The following CUX1 variants were observed in gnomAD, a reference collection of about 807,000 sequenced individuals.
The protein encoded by CUX1 is cut like homeobox 1.
In CUX1, 31 loss-of-function variants were observed where a neutral mutation model predicts 158.8. The observed-to-expected ratio is 0.20, with a 90% CI of 0.15 to 0.26. The LOEUF (loss-of-function observed/expected upper bound fraction) is 0.26, where lower values mean the gene tolerates loss of function less well. CUX1 is among the 10% of genes least tolerant of loss of function. The pLI is 1.00. For synonymous variants in CUX1, 879 were observed against 862.1 expected (o/e 1.02, Z -0.34); for missense variants, 1,589 against 2,014.6 (o/e 0.79, Z 4.04).
intron 1 of CUX1, among the ~76,000 whole-genome samples, chr7:101,886,142 G>A (rs866547451): frequency 2.6e-5 from 4 of 152,048 alleles, no homozygotes; most frequent in African/African-American, 9.7e-5. Context: ...GGGTGCTGTC[G>A]GTGCCTCTTA....
intron 17 of CUX1, among the ~76,000 whole-genome samples, chr7:102,277,225 A>C (rs1279392921): frequency 6.6e-6 from 1 of 151,800 alleles, no homozygotes; most frequent in Admixed American, 6.6e-5. Context: ...TTGAGTCGGG[A>C]GGCTGAGGCT....
chr7:102,166,035 A>G (rs1790989802), intron 9 of CUX1, among the ~76,000 whole-genome samples: 1 of 152,040 alleles, frequency 6.6e-6, no homozygotes, highest in Non-Finnish European at 1.5e-5. Flanking sequence ...TTTCCCCCAA[A>G]AGGGTCTTCC....
intron 23 of CUX1, among the ~76,000 whole-genome samples, chr7:102,240,307 C>T (rs544950460): frequency 1.3e-5 from 2 of 152,282 alleles, no homozygotes; most frequent in Admixed American, 1.3e-4. Flanking sequence ...CTTGCTCTGT[C>T]ACCCAGGCTA....
rs540711392 is a variant in CUX1, at chr7:101,840,841, C to CT, written c.30+23179dup. Among the ~76,000 whole-genome samples, 28 of 151,936 alleles carry CT rather than the reference C, an allele frequency of 1.8e-4. 1 individual carries two copies. In the East Asian group the frequency reaches 1.9e-3, roughly 10 times the overall value. ...TGGCTGGGAGGCATTTAACATTTCA[C>CT]TTTTTTTGTTTTTGGTCTATTGAGG... On this transcript the variant is annotated intron_variant, in intron 1 of 23. Coordinates refer to ENST00000292535, the MANE Select transcript of CUX1 (RefSeq NM_181552.4).
intron 8 of CUX1, among the ~76,000 whole-genome samples, chr7:102,129,964 A>T (rs1833038162): frequency 6.6e-6 from 1 of 152,092 alleles, no homozygotes; most frequent in Admixed American, 6.6e-5. Flanking sequence ...TCGTTAAAAA[A>T]CTTTTTGGAA....
chr7:101,844,425 A>C (rs534164960), intron 1 of CUX1, among the ~76,000 whole-genome samples: 1 of 152,128 alleles, frequency 6.6e-6, no homozygotes, highest in Non-Finnish European at 1.5e-5. Flanking sequence ...CATTAGCTGG[A>C]TGTAAAATTG....
rs113720011 is a variant in CUX1 at position 102,178,669 on chromosome 7, G to T, written c.1017+12G>T. 18 of 1,598,286 alleles carry T rather than the reference G, an allele frequency of 1.1e-5. No homozygotes were observed. In the African/African-American group the frequency reaches 1.6e-4, roughly 14 times the overall value. On this transcript the variant is annotated intron_variant, in intron 11 of 23. Coordinates refer to ENST00000292535, the MANE Select transcript of CUX1 (RefSeq NM_181552.4). ...ACAGCACACTCAAAGTAAGGGGGCT[G>T]CGGGGCCCGGGGGTGGCCCGAGGAG...
chr7:102,243,671 T>TAAC (rs1800484726), intron 23 of CUX1, among the ~76,000 whole-genome samples: 1 of 145,160 alleles, frequency 6.9e-6, no homozygotes, highest in African/African-American at 2.6e-5. Context: ...ATAATAATAA[T>TAAC]AATAATAAAA....
chr7:101,857,574 T>G (rs187679506), intron 1 of CUX1, among the ~76,000 whole-genome samples: 61 of 152,312 alleles, frequency 4.0e-4, no homozygotes, highest in Non-Finnish European at 1.2e-4. Context: ...TTTGCTGGGT[T>G]ACTTTAAACT....
At chr7:102,126,678 A>G (rs1832674019) in intron 8 of CUX1, among the ~76,000 whole-genome samples, 1 of 152,218 alleles carries the variant, frequency 6.6e-6, no homozygotes, top group South Asian at 2.1e-4. Context: ...ATCATCTAAC[A>G]CAGCTGTCCC....
Position 102,253,094 on chromosome 7 carries a change from A to G in CUX1, c.*4052A>G, listed in dbSNP as rs1801693491. On this transcript the variant is annotated 3_prime_UTR_variant, in exon 24 of 24. Transcript: ENST00000292535. The stretch of plus-strand genomic sequence containing the variant: ...AGATCCCTTGTACCTCCAAAGTACA[A>G]ATACCTCCCTGCTCAGTTTCCTTCC... 1.0e-6 allele frequency: 1 copy of G among 985,484 alleles called. No individual in the cohort carries two copies. The highest frequency in any genetic ancestry group is 4.7e-5 in the South Asian group (1 of 21,282). The allele number at this position is 985,484 out of a possible 1,614,324, so 61.0% of individuals were successfully genotyped here.
chr7:102,221,347 A>C lies in CUX1; in HGVS notation c.3131-6020A>C, dbSNP rs544445737. On this transcript the variant is annotated intron_variant, in intron 20 of 23. Transcript: ENST00000292535. ...TTACAATAATTACTTTTTGGTGAAA[A>C]TGCTTGCTGACTTCCCACCTTCAAG... Among the ~76,000 whole-genome samples the C allele has an allele frequency of 2.8e-4, 43 of 152,076 alleles. No homozygotes were observed. In the South Asian group the frequency reaches 8.6e-3, roughly 30 times the overall value.
intron 2 of CUX1, among the ~76,000 whole-genome samples, chr7:101,972,413 C>T (rs943595611): frequency 2.0e-5 from 3 of 152,188 alleles, no homozygotes; most frequent in South Asian, 2.1e-4. Context: ...ACAAAGAGAT[C>T]GATCAGAATT....
chr7:101,970,748 G>A (rs754159164), intron 2 of CUX1, among the ~76,000 whole-genome samples: 2 of 152,006 alleles, frequency 1.3e-5, no homozygotes, highest in Non-Finnish European at 2.9e-5. Flanking sequence ...TAGAGACAGG[G>A]TTTTACCATT....
At chr7:102,282,030 G>A in intron 21 of CUX1, 1 of 781,974 alleles carries the variant, frequency 1.3e-6, no homozygotes. Context: ...ACCCCAAGCT[G>A]CATCTCTAGC....
intron 6 of CUX1, among the ~76,000 whole-genome samples, chr7:102,105,504 C>CTTTTT (rs781922611): frequency 2.2e-4 from 19 of 85,870 alleles, no homozygotes; most frequent in South Asian, 1.1e-3. Context: ...CCATATAGAT[C>CTTTTT]TTTTTTTTTT....
In CUX1 at chr7:102,250,357, CAG is replaced by C. The variant is rs530018231; in HGVS notation, c.*1317_*1318del. 2,516 of 985,572 alleles carry C rather than the reference CAG, an allele frequency of 2.6e-3. 5 individuals carry two copies. Among genetic ancestry groups the C allele is most frequent in the Non-Finnish European group, 2.9e-3 (2,379 of 830,042 alleles). 61.1% of individuals were successfully genotyped at this position (985,572 alleles called of 1,614,324 possible). ...GCAGTCTACGGATCTCTCTCTGGCACAGAAGGCACCTCACCTCACACCACTCT... is the reference window on the plus strand; with the variant it reads ...GCAGTCTACGGATCTCTCTCTGGCACAAGGCACCTCACCTCACACCACTCT... On this transcript the variant is annotated 3_prime_UTR_variant, in exon 24 of 24. Transcript: ENST00000292535.
At chr7:102,205,232 T>C in intron 20 of CUX1, 62 bp downstream of exon 20, 1 of 1,251,052 alleles carries the variant, frequency 8.0e-7, no homozygotes, top group Non-Finnish European at 1.2e-6. Flanking sequence ...TGTTGTCCCG[T>C]GCTGTGGTCT....
At chr7:102,280,387 T>G (rs1480840720) in intron 19 of CUX1, among the ~76,000 whole-genome samples, 3 of 152,188 alleles carry the variant, frequency 2.0e-5, no homozygotes, top group African/African-American at 7.2e-5. Context: ...TGCCGAGGAC[T>G]ACCCGAGGGT....
Sources: allele counts gnomAD v4.1 joint callset (sites outside exome capture counted in the v4.1 genomes callset), GRCh38; gene constraint gnomAD v4.1.1; transcripts MANE v1.5; gene names NCBI Gene and HGNC (gene_info 2026-07-23, HGNC 2026-07-21).